Variants in FSTL4 observed in about 807,000 individuals in gnomAD.
FSTL4 encodes the protein follistatin-related protein 4.
FSTL4 carries 28 observed loss-of-function variants against 78.2 expected under a neutral mutation model. The observed-to-expected ratio is 0.36, with a 90% confidence interval of 0.27 to 0.49. The LOEUF (loss-of-function observed/expected upper bound fraction) is 0.49, where lower values mean the gene tolerates loss of function less well. Among genes scored for constraint, FSTL4 ranks in the 20% least tolerant of loss-of-function variants. The pLI is 0.98. For missense variants in FSTL4, 922 were observed against 1,084.9 expected, an observed-to-expected ratio of 0.85 and a Z score of 2.11; for synonymous variants, 422 against 440.5, an observed-to-expected ratio of 0.96 and a Z score of 0.53.
chr5:133,770,213 T>C, the FSTL4 span, among the ~76,000 whole-genome samples: 6 of 152,138 alleles, frequency 3.9e-5, no homozygotes, highest in African/African-American at 1.4e-4. Flanking sequence ...CAGGTATCAT[T>C]TTAATATAAT....
chr5:133,383,615 T>TCGG (rs1755627490), intron 4 of FSTL4, among the ~76,000 whole-genome samples: 1 of 152,104 alleles, frequency 6.6e-6, no homozygotes, highest in East Asian at 1.9e-4. Context: ...ATCCCATCAC[T>TCGG]CGGCGGGGAC....
chr5:133,329,911 T>G lies in FSTL4; in HGVS notation c.410-13259A>C, dbSNP rs138836539. On this transcript the variant is annotated intron_variant, in intron 4 of 15. Transcript: ENST00000265342. ...CTAGAATCTAATGTGTTACACGACA[T>G]TCACCCCCTTTGCCCCGGGTTTGGC... Among the ~76,000 whole-genome samples, 440 of 152,298 alleles carry G rather than the reference T, an allele frequency of 2.9e-3. 2 individuals carry two copies. The highest frequency in any genetic ancestry group is 0.01 in the African/African-American group (424 of 41,558).
At chr5:133,615,612 T>C (rs185338228), upstream of FSTL4, among the ~76,000 whole-genome samples, 150 of 152,394 alleles carry the variant, frequency 9.8e-4, no homozygotes, top group Admixed American at 4.0e-3. Flanking sequence ...TATTCTGATC[T>C]AAACAGAGCT....
At chr5:133,467,453 CA>C (rs1440946120) in intron 3 of FSTL4, among the ~76,000 whole-genome samples, 3 of 152,054 alleles carry the variant, frequency 2.0e-5, no homozygotes, top group Non-Finnish European at 4.4e-5. Context: ...TACAGGAAGC[CA>C]CAAAGCCATT....
At chr5:133,302,379 C>T (rs1381384685) in intron 6 of FSTL4, among the ~76,000 whole-genome samples, 1 of 152,208 alleles carries the variant, frequency 6.6e-6, no homozygotes. Flanking sequence ...CTTCCACAGC[C>T]TCTGCCATCC....
At chr5:133,547,580 C>T (rs914779077) in intron 3 of FSTL4, among the ~76,000 whole-genome samples, 1 of 152,142 alleles carries the variant, frequency 6.6e-6, no homozygotes, top group Non-Finnish European at 1.5e-5. Context: ...ATTAACACTG[C>T]TCTTACAGGA....
chr5:133,518,784 T>C (rs751110538), intron 3 of FSTL4, among the ~76,000 whole-genome samples: 53 of 152,226 alleles, frequency 3.5e-4, no homozygotes, highest in Middle Eastern at 6.3e-3. Context: ...TGGATGATAA[T>C]TTAAAAATAT....
the FSTL4 span, among the ~76,000 whole-genome samples, chr5:133,650,383 G>A: frequency 2.5e-4 from 38 of 152,170 alleles, 1 homozygote; most frequent in African/African-American, 8.9e-4. Flanking sequence ...CCAAACCCAA[G>A]GTCATCTAGA....
the FSTL4 span, among the ~76,000 whole-genome samples, chr5:133,796,248 G>A: frequency 6.6e-6 from 1 of 152,204 alleles, no homozygotes; most frequent in African/African-American, 2.4e-5. Flanking sequence ...TTATGGGAGG[G>A]GGAGCACACA....
At chr5:133,284,616 C>G (rs1402927564) in intron 6 of FSTL4, among the ~76,000 whole-genome samples, 3 of 152,170 alleles carry the variant, frequency 2.0e-5, no homozygotes, top group Non-Finnish European at 1.5e-5. Flanking sequence ...GGAACCACTC[C>G]TTGGACTCTG....
chr5:133,228,787 G>A (rs570858450), intron 8 of FSTL4, among the ~76,000 whole-genome samples: 11 of 152,204 alleles, frequency 7.2e-5, no homozygotes, highest in African/African-American at 2.4e-4. Flanking sequence ...AAGAAGAAAC[G>A]ACACCATTCT....
the FSTL4 span, among the ~76,000 whole-genome samples, chr5:133,781,210 C>T: frequency 2.6e-5 from 4 of 152,154 alleles, no homozygotes; most frequent in East Asian, 1.9e-4. Context: ...CTGCAAACTA[C>T]GCAGGCTATT....
intron 3 of FSTL4, among the ~76,000 whole-genome samples, chr5:133,525,253 G>C (rs1160855687): frequency 2.0e-5 from 3 of 152,214 alleles, no homozygotes; most frequent in African/African-American, 7.2e-5. Flanking sequence ...AGCTGGCCAA[G>C]CCAAGCGTGA....
chr5:133,380,815 C>CAT (rs34021720), intron 4 of FSTL4, among the ~76,000 whole-genome samples: 19,298 of 148,692 alleles, frequency 0.13, 1,326 homozygotes, highest in African/African-American at 0.16. Context: ...AAATATATAT[C>CAT]ATATATATAT....
intron 3 of FSTL4, among the ~76,000 whole-genome samples, chr5:133,519,103 G>C (rs899237260): frequency 6.6e-6 from 1 of 152,174 alleles, no homozygotes; most frequent in African/African-American, 2.4e-5. Context: ...GTCAGGCAGA[G>C]TACAAGGTGC....
the FSTL4 span, among the ~76,000 whole-genome samples, chr5:133,771,943 T>G: frequency 6.6e-6 from 1 of 152,188 alleles, no homozygotes; most frequent in Non-Finnish European, 1.5e-5. Flanking sequence ...ATGTTCTTAT[T>G]CTTAGTTATA....
At chr5:133,609,100 T>C (rs1043603426) in intron 1 of FSTL4, among the ~76,000 whole-genome samples, 4 of 152,216 alleles carry the variant, frequency 2.6e-5, no homozygotes, top group African/African-American at 9.6e-5. Context: ...TTTACCAGAC[T>C]AGCCATTAAG....
At chr5:133,821,680 C>T in the FSTL4 span, among the ~76,000 whole-genome samples, 3 of 151,996 alleles carry the variant, frequency 2.0e-5, no homozygotes, top group Non-Finnish European at 4.4e-5. Context: ...GTGGAGGAGG[C>T]GCAGGACTGG....
the FSTL4 span, among the ~76,000 whole-genome samples, chr5:133,831,626 G>GC: frequency 6.6e-6 from 1 of 152,194 alleles, no homozygotes; most frequent in Admixed American, 6.5e-5. Flanking sequence ...GGGAACAAGG[G>GC]CCCTTATATC....
Sources: allele counts gnomAD v4.1 joint callset (sites outside exome capture counted in the v4.1 genomes callset), GRCh38; gene constraint gnomAD v4.1.1; transcripts MANE v1.5; gene names NCBI Gene and HGNC (gene_info 2026-07-23, HGNC 2026-07-21).